Variants in NR3C2 observed in about 807,000 individuals in gnomAD.
NR3C2 encodes nuclear receptor subfamily 3 group C member 2.
Under a neutral mutation model 86.4 loss-of-function variants are expected in NR3C2, and 15 were observed. The observed-to-expected ratio is 0.17, with a 90% CI of 0.12 to 0.27. The LOEUF is 0.27. Ranked by LOEUF, NR3C2 falls within the 10% of genes least tolerant of loss-of-function variation. The probability of loss-of-function intolerance (pLI) is 1.00; values close to 1 mark genes in which losing one functional copy is unlikely to be tolerated. For synonymous variants in NR3C2, 458 were observed against 450.5 expected, an observed-to-expected ratio of 1.02 and a Z score of -0.21; for missense variants, 960 against 1,195.6, an observed-to-expected ratio of 0.80 and a Z score of 2.91.
intron 2 of NR3C2, among the ~76,000 whole-genome samples, chr4:148,420,149 G>C (rs765012548): frequency 3.9e-5 from 6 of 152,164 alleles, no homozygotes; most frequent in Admixed American, 1.3e-4. Context: ...GTCGAGAAAG[G>C]TTATTCCTTT....
intron 4 of NR3C2, among the ~76,000 whole-genome samples, chr4:148,163,756 T>G (rs1163628346): frequency 1.3e-5 from 2 of 152,222 alleles, no homozygotes; most frequent in South Asian, 4.1e-4. Context: ...AATCTATATG[T>G]CAGGTACTAA....
chr4:148,351,302 T>C (rs1745260436), intron 2 of NR3C2, among the ~76,000 whole-genome samples: 1 of 152,052 alleles, frequency 6.6e-6, no homozygotes, highest in South Asian at 2.1e-4. Context: ...CAAGCTGCCA[T>C]GCCCTAATTT....
At chr4:148,378,795 A>C (rs1412034695) in intron 2 of NR3C2, among the ~76,000 whole-genome samples, 20 of 152,206 alleles carry the variant, frequency 1.3e-4, no homozygotes, top group Admixed American at 1.3e-3. Context: ...AGTCTCAGGC[A>C]TTTCTTTATA....
intron 2 of NR3C2, among the ~76,000 whole-genome samples, chr4:148,271,120 T>G (rs1295557214): frequency 6.6e-6 from 1 of 152,234 alleles, no homozygotes. Context: ...TGGAAACTGC[T>G]TCTTCCACTC....
chr4:148,301,763 T>C (rs954987888), intron 2 of NR3C2, among the ~76,000 whole-genome samples: 10 of 152,290 alleles, frequency 6.6e-5, no homozygotes, highest in African/African-American at 2.2e-4. Context: ...CTTCCCAAAA[T>C]CCAATTTCAG....
intron 8 of NR3C2, among the ~76,000 whole-genome samples, chr4:148,111,939 A>G (rs1407483877): frequency 6.6e-6 from 1 of 152,184 alleles, no homozygotes; most frequent in South Asian, 2.1e-4. Flanking sequence ...AGAAGTCAAA[A>G]CTTATAAAAT....
chr4:148,365,505 C>T (rs1746067092), intron 2 of NR3C2, among the ~76,000 whole-genome samples: 1 of 152,102 alleles, frequency 6.6e-6, no homozygotes, highest in Non-Finnish European at 1.5e-5. Context: ...CTACGTAACC[C>T]TTATCAAATT....
At chr4:148,296,597 A>G (rs1268713441) in intron 2 of NR3C2, among the ~76,000 whole-genome samples, 4 of 151,510 alleles carry the variant, frequency 2.6e-5, no homozygotes, top group Non-Finnish European at 4.4e-5. Context: ...AAAAAAAAAA[A>G]GCATGTACCT....
intron 2 of NR3C2, among the ~76,000 whole-genome samples, chr4:148,346,947 C>G (rs72729942): frequency 0.014 from 2,123 of 152,144 alleles, 28 homozygotes; most frequent in Non-Finnish European, 0.025. Context: ...TGGGGTTCAA[C>G]ACATGGAGTG....
intron 2 of NR3C2, among the ~76,000 whole-genome samples, chr4:148,278,337 C>T (rs1741062375): frequency 6.6e-6 from 1 of 152,184 alleles, no homozygotes; most frequent in East Asian, 1.9e-4. Flanking sequence ...TAGCCTCAAG[C>T]GATCTGCCAG....
chr4:148,366,816 C>T (rs1414961335), intron 2 of NR3C2, among the ~76,000 whole-genome samples: 1 of 152,142 alleles, frequency 6.6e-6, no homozygotes, highest in Non-Finnish European at 1.5e-5. Context: ...AATTAATTTA[C>T]TAGGCTATCA....
chr4:148,257,869 A>G (rs1739906607), intron 3 of NR3C2, among the ~76,000 whole-genome samples: 1 of 152,160 alleles, frequency 6.6e-6, no homozygotes, highest in African/African-American at 2.4e-5. Context: ...AAAATAAACT[A>G]TATTAATACA....
intron 2 of NR3C2, among the ~76,000 whole-genome samples, chr4:148,380,530 C>T (rs1455093595): frequency 6.6e-6 from 1 of 152,170 alleles, no homozygotes; most frequent in Non-Finnish European, 1.5e-5. Flanking sequence ...AGACTATTAT[C>T]CAAAGCTGTT....
At chr4:148,199,154 T>C (rs1378939346) in intron 3 of NR3C2, among the ~76,000 whole-genome samples, 1 of 149,598 alleles carries the variant, frequency 6.7e-6, no homozygotes, top group Non-Finnish European at 1.5e-5. Flanking sequence ...GAAAGTTAAG[T>C]GAGTAAAGAG....
intron 3 of NR3C2, among the ~76,000 whole-genome samples, chr4:148,225,131 C>T (rs1469171121): frequency 6.6e-6 from 1 of 152,150 alleles, no homozygotes; most frequent in African/African-American, 2.4e-5. Context: ...TTATTCCTCT[C>T]TTTCTCCTGT....
At chr4:148,195,811 T>G (rs375972222) in intron 3 of NR3C2, among the ~76,000 whole-genome samples, 4 of 152,208 alleles carry the variant, frequency 2.6e-5, no homozygotes, top group African/African-American at 9.6e-5. Flanking sequence ...CCAGGGTGAA[T>G]GAGCAGAAGA....
chr4:148,250,184 G>A (rs1245574930), intron 3 of NR3C2, among the ~76,000 whole-genome samples: 1 of 151,878 alleles, frequency 6.6e-6, no homozygotes, highest in Non-Finnish European at 1.5e-5. Flanking sequence ...AGTCAAGAAG[G>A]GCAGTATATA....
chr4:148,238,247 T>G (rs1206510440), intron 3 of NR3C2, among the ~76,000 whole-genome samples: 3 of 152,182 alleles, frequency 2.0e-5, no homozygotes, highest in African/African-American at 7.2e-5. Flanking sequence ...AAACAATGTT[T>G]CCCTGAGCTA....
At position 148,125,837 on chromosome 4, in the gene NR3C2, T is replaced by A. The variant is rs552965874; in HGVS notation, c.2511-5549A>T. Among the ~76,000 whole-genome samples the A allele has an allele frequency of 2.5e-4, 38 of 152,258 alleles. No individual in the cohort carries two copies. In the South Asian group the frequency reaches 7.9e-3, roughly 32 times the overall value. ...GTTAAAGGCTATGAAAACATACAGA[T>A]TTGCATATGATGATGATAATTAAGG... On this transcript the variant is annotated intron_variant, in intron 6 of 8. Coordinates refer to ENST00000358102, the MANE Select transcript of NR3C2 (RefSeq NM_000901.5).
Sources: gnomAD v4.1 joint callset for allele counts (sites outside exome capture counted in the v4.1 genomes callset) on GRCh38, gnomAD v4.1.1 for gene constraint, MANE v1.5 for transcripts, NCBI Gene and HGNC (gene_info 2026-07-23, HGNC 2026-07-21) for gene names.